Variants in SAMD11 observed in about 807,000 individuals in gnomAD.
SAMD11 encodes the protein sterile alpha motif domain containing 11, also known as sterile alpha motif domain-containing protein 11.
In SAMD11, 77 loss-of-function variants were observed where a neutral mutation model predicts 64.4. The ratio of observed to expected loss-of-function variants is 1.20; its 90% confidence interval spans 0.99 to 1.44. SAMD11 has a LOEUF of 1.44. Among genes scored for constraint, SAMD11 ranks in the 40% most tolerant of loss-of-function variants. The pLI is 0.00. For synonymous variants in SAMD11, 658 were observed against 421.9 expected (o/e 1.56, Z -6.86); for missense variants, 1,402 against 943.3 (o/e 1.49, Z -6.37).
chr1:936,000 A>G, intron 5 of SAMD11, 104 bp downstream of exon 5: 1 of 1,253,488 alleles, frequency 8.0e-7, no homozygotes, highest in Non-Finnish European at 1.1e-6. Flanking sequence ...CCAGAGAGGC[A>G]GGAGGAGCGG....
chr1:933,477 A>G (rs1397632482), intron 4 of SAMD11, among the ~76,000 whole-genome samples: 1 of 152,076 alleles, frequency 6.6e-6, no homozygotes, highest in Non-Finnish European at 1.5e-5. Flanking sequence ...CTCGGGGCTC[A>G]CTGCCAGCCC....
rs1329062965 is a variant in SAMD11 at position 942,586 on chromosome 1, G to A, written c.1581G>A (p.Arg527=). 1 of 1,418,360 alleles carries A rather than the reference G, an allele frequency of 7.1e-7. No homozygotes were observed. Among genetic ancestry groups the A allele is most frequent in the Non-Finnish European group, 9.1e-7 (1 of 1,094,712 alleles). 87.9% of individuals were successfully genotyped at this position (1,418,360 alleles called of 1,614,324 possible). The change falls in exon 11 of 14, where the codon CGG becomes CGA. Residue 527 remains arginine, a synonymous_variant. Transcript: ENST00000616016. The stretch of plus-strand genomic sequence containing the variant: ...TGGAGCTGCCCGCCGACCTCCTGCG[G>A]CAGAAGGAGCTGGAGAGCGCGCGCC... The part of the protein sequence containing the change: ...ARLELPADLL[R]QKELESARPQ...
rs373433015 is a variant in SAMD11, at chr1:942,942, G to A, written c.1937G>A (p.Gly646Glu). 7 of 1,550,434 alleles carry A rather than the reference G, an allele frequency of 4.5e-6. No homozygotes were observed. The highest frequency in any genetic ancestry group is 3.6e-5 in the South Asian group (3 of 84,084). ...DPETAAVGCR[G>E]PTPGQAPAGG... is the part of the protein sequence containing the mutation. Reference sequence around the variant, plus strand: ...GAGACGGCAGCTGTTGGGTGCAGGGGGCCCACTCCGGGCCAAGCTCCAGCT... The same window carrying A: ...GAGACGGCAGCTGTTGGGTGCAGGGAGCCCACTCCGGGCCAAGCTCCAGCT... The change falls in exon 11 of 14, where the codon GGG becomes GAG. Residue 646 changes from glycine to glutamate, a missense_variant. Coordinates refer to ENST00000616016, the MANE Select transcript of SAMD11 (RefSeq NM_001385641.1).
At chr1:925,843 A>C (rs768038970) in intron 1 of SAMD11, 79 bp from the exon 2 acceptor site, 5 of 989,670 alleles carry the variant, frequency 5.1e-6, no homozygotes, top group Non-Finnish European at 8.0e-6. Flanking sequence ...CGAGCCGGGG[A>C]GGGGGTACTG....
intron 12 of SAMD11, 91 bp downstream of exon 12, chr1:943,468 C>G: frequency 8.6e-7 from 1 of 1,168,994 alleles, no homozygotes; most frequent in Non-Finnish European, 1.2e-6. Flanking sequence ...GGCCATTCCC[C>G]AACGCCCTCT....
intron 2 of SAMD11, among the ~76,000 whole-genome samples, chr1:929,188 G>C (rs1490940021): frequency 6.6e-6 from 1 of 152,254 alleles, no homozygotes; most frequent in East Asian, 1.9e-4. Flanking sequence ...GTGCTGTGCA[G>C]GGTGCCGCGG....
chr1:943,024 C>A lies in SAMD11; in HGVS notation c.2019C>A (p.Gly673=). 1 of 1,533,662 alleles carries A rather than the reference C, an allele frequency of 6.5e-7. No individual in the cohort carries two copies. ...TCCCAGGGTCCACACTGCCCCTGGG[C>A]TTCCCTTATGCCGTCAGCCCCTACT... ...GLFPGSTLPL[G]FPYAVSPYFH... Residue 673 remains glycine (G), a synonymous_variant, in exon 11 of 14, where the codon GGC becomes GGA. Transcript: ENST00000616016.
chr1:943,686 TCCC>T lies in SAMD11; in HGVS notation c.2179-9_2179-7del. Reference sequence around the variant, plus strand: ...CACCCGGGTCCTGACCCTCCCTCCCTCCCCCTTCCAGGTCTTCAGGGAGCAGGG... The same window carrying T: ...CACCCGGGTCCTGACCCTCCCTCCCTCCTTCCAGGTCTTCAGGGAGCAGGG... On this transcript the variant is annotated splice_polypyrimidine_tract_variant and intron_variant, in intron 12 of 13. Coordinates refer to ENST00000616016, the MANE Select transcript of SAMD11 (RefSeq NM_001385641.1). The T allele has an allele frequency of 9.6e-7, 1 of 1,037,398 alleles. No homozygotes were observed. Among genetic ancestry groups the T allele is most frequent in the Non-Finnish European group, 1.4e-6 (1 of 733,608 alleles). 64.3% of individuals were successfully genotyped at this position (1,037,398 alleles called of 1,614,324 possible).
chr1:926,857 G>A (rs1248965576), intron 2 of SAMD11, among the ~76,000 whole-genome samples: 1 of 152,172 alleles, frequency 6.6e-6, no homozygotes, highest in African/African-American at 2.4e-5. Flanking sequence ...ACACACTCAG[G>A]AACCCCTTCT....
In SAMD11 at chr1:927,092, G is replaced by A. The variant is rs559815365; in HGVS notation, c.609+1079G>A. ...TTGGGCAGGGGAAGGGGACACAGCC[G>A]CACCTCACCCATGTGCCCACCTGAC... On this transcript the variant is annotated intron_variant, in intron 2 of 13. Coordinates refer to ENST00000616016, the MANE Select transcript of SAMD11 (RefSeq NM_001385641.1). Among the ~76,000 whole-genome samples, 12 of 152,246 alleles carry A rather than the reference G, an allele frequency of 7.9e-5. No individual in the cohort carries two copies. In the East Asian group the frequency reaches 1.5e-3, roughly 20 times the overall value.
intron 5 of SAMD11, among the ~76,000 whole-genome samples, chr1:936,240 CGCCTCCT>C: frequency 6.6e-6 from 1 of 151,418 alleles, no homozygotes; most frequent in Non-Finnish European, 1.5e-5. Context: ...TGACTGGTCC[CGCCTCCT>C]AGGGCTCCTG....
Position 942,203 on chromosome 1 carries a change from C to T in SAMD11, c.1426C>T (p.Leu476Phe), listed in dbSNP as rs538838892. 4.7e-5 allele frequency: 65 copies of T among 1,370,122 alleles called. No individual in the cohort carries two copies. In the South Asian group the frequency reaches 9.9e-4, roughly 21 times the overall value. 84.9% of individuals were successfully genotyped at this position (1,370,122 alleles called of 1,614,324 possible). The change falls in exon 9 of 14, where the codon CTC becomes TTC. Residue 476 changes from leucine (L) to phenylalanine (F), a missense_variant. By Grantham distance (22) the Leu-to-Phe change is conservative (BLOSUM62 0). Coordinates refer to ENST00000616016, the MANE Select transcript of SAMD11 (RefSeq NM_001385641.1). The part of the protein sequence containing the change: ...NAPHVALGPH[L>F]RPPFLGVPSA... ...CCCTCACGTCGCCCTGGGCCCCCAT[C>T]TCAGGCCCCCCTTCCTGGGGGTGCC...
intron 3 of SAMD11, 52 bp downstream of exon 3, chr1:930,388 GCTTCAGGC>G: frequency 6.5e-7 from 1 of 1,527,104 alleles, no homozygotes; most frequent in Non-Finnish European, 8.9e-7. Flanking sequence ...TGGGGCTGGA[GCTTCAGGC>G]CTTCAGCTGC....
intron 5 of SAMD11, among the ~76,000 whole-genome samples, chr1:938,008 C>T (rs1464736243): frequency 6.6e-6 from 1 of 152,182 alleles, no homozygotes; most frequent in Non-Finnish European, 1.5e-5. Flanking sequence ...TCTTGGGTCA[C>T]AGGGGAGTGG....
rs541455035 is a variant in SAMD11 at position 936,498 on chromosome 1, G to T, written c.967+602G>T. ...GGGAGGGAAGGGATCCGGCGCCTGA[G>T]GGAGGTGCTGCTGCCTGGTCACAGT... On this transcript the variant is annotated intron_variant, in intron 5 of 13. Transcript: ENST00000616016. Among the ~76,000 whole-genome samples, 9 of 152,284 alleles carry T rather than the reference G, an allele frequency of 5.9e-5. No individual in the cohort carries two copies. The South Asian group carries it at 1.7e-3, about 28-fold the overall frequency.
rs1641406409 is a variant in SAMD11 at position 935,879 on chromosome 1, T to C, written c.950T>C (p.Ile317Thr). Reference sequence around the variant, plus strand: ...GAATTCCAGAGAGGCAGCCTGGAGATTGGCCTGCGACCCGCCGGTGAGGAG... The same window carrying C: ...GAATTCCAGAGAGGCAGCCTGGAGACTGGCCTGCGACCCGCCGGTGAGGAG... ...RCEFQRGSLEIGLRPAGDLLG... is the reference protein window; with the variant it reads ...RCEFQRGSLETGLRPAGDLLG... The change falls in exon 5 of 14, where the codon ATT becomes ACT. Residue 317 changes from isoleucine (I) to threonine (T), a missense_variant. Transcript: ENST00000616016. 6.2e-7 allele frequency: 1 copy of C among 1,612,598 alleles called. No individual in the cohort carries two copies. Among genetic ancestry groups the C allele is most frequent in the Non-Finnish European group, 8.5e-7 (1 of 1,179,662 alleles).
chr1:939,195 G>A, intron 6 of SAMD11, 66 bp downstream of exon 6: 2 of 1,551,472 alleles, frequency 1.3e-6, no homozygotes, highest in Non-Finnish European at 1.7e-6. Context: ...GGGTCCCCTG[G>A]ACCTCGAGCA....
At chr1:936,816 C>A (rs919432264) in intron 5 of SAMD11, among the ~76,000 whole-genome samples, 1 of 152,150 alleles carries the variant, frequency 6.6e-6, no homozygotes, top group East Asian at 1.9e-4. Context: ...AGCTGAGAGG[C>A]GGTTGATAAA....
chr1:941,252 T>TGGCTCAGCACCGGGAG lies in SAMD11; in HGVS notation c.1308_1323dup (p.Ala442SerfsTer181). ...GCAGGTCAGCGTCGGAAGCAGGGCC[T>TGGCTCAGCACCGGGAG]GGCTCAGCACCGGGAGGGCGCCGCC... On this transcript the variant is annotated frameshift_variant, in exon 8 of 14. Coordinates refer to ENST00000616016, the MANE Select transcript of SAMD11 (RefSeq NM_001385641.1). LOFTEE classifies it high-confidence loss of function. 6.2e-7 allele frequency: 1 copy of TGGCTCAGCACCGGGAG among 1,602,732 alleles called. No homozygotes were observed. The highest frequency in any genetic ancestry group is 8.5e-7 in the Non-Finnish European group (1 of 1,175,568).
Sources: gnomAD v4.1 joint callset for allele counts (sites outside exome capture counted in the v4.1 genomes callset) on GRCh38, gnomAD v4.1.1 for gene constraint, MANE v1.5 for transcripts, NCBI Gene and HGNC (gene_info 2026-07-23, HGNC 2026-07-21) for gene names.